Variants in KDM6B observed in about 807,000 individuals in gnomAD.
KDM6B encodes the protein lysine demethylase 6B, also known as lysine-specific demethylase 6B.
A neutral mutation model predicts 150.4 loss-of-function variants in KDM6B; 22 were observed. The ratio of observed to expected loss-of-function variants is 0.15; its 90% CI spans 0.10 to 0.21. The LOEUF is 0.21. Ranked by LOEUF, KDM6B falls within the 10% of genes least tolerant of loss-of-function variation. The pLI, the probability that KDM6B is intolerant of heterozygous loss-of-function variation, is 1.00. For synonymous variants in KDM6B, 1,148 were observed against 921.1 expected, an observed-to-expected ratio of 1.25 and a Z score of -4.46; for missense variants, 1,984 against 2,234.3, an observed-to-expected ratio of 0.89 and a Z score of 2.26.
Position 7,848,920 on chromosome 17 carries a change from T to G in KDM6B, c.2632T>G (p.Trp878Gly), listed in dbSNP as rs1473404933. 8 of 1,601,088 alleles carry G rather than the reference T, an allele frequency of 5.0e-6. No individual in the cohort carries two copies. Among genetic ancestry groups the G allele is most frequent in the Non-Finnish European group, 6.8e-6 (8 of 1,172,628 alleles). Residue 878 changes from tryptophan to glycine, a missense_variant, in exon 12 of 24, where the codon TGG becomes GGG. Transcript: ENST00000448097. The stretch of plus-strand genomic sequence containing the variant: ...TCAGTTCTCTACCTCAGGCGGGCCC[T>G]GGGCCCGGGAGCGCAGGGCGGGCGA... ...SSQFSTSGGP[W>G]ARERRAGEEP...
intron 1 of KDM6B, among the ~76,000 whole-genome samples, chr17:7,835,863 C>T (rs919214340): frequency 6.6e-6 from 1 of 152,098 alleles, no homozygotes; most frequent in African/African-American, 2.4e-5. Context: ...GCTCTTCAGC[C>T]CCTGGGGACC....
In KDM6B at chr17:7,845,967, C is replaced by T. The variant is rs1567788873; in HGVS notation, c.233C>T (p.Pro78Leu). Reference sequence around the variant, plus strand: ...CACCCCAGCAAACCATATTATGCTCCAGGGTGAGTGGATATTTGAAGGTTC... The same window carrying T: ...CACCCCAGCAAACCATATTATGCTCTAGGGTGAGTGGATATTTGAAGGTTC... ...SGHPSKPYYA[P>L]GAPTPRPLHG... Residue 78 changes from proline (P) to leucine (L), a missense_variant, in exon 6 of 24, where the codon CCA becomes CTA. Coordinates refer to ENST00000448097, the MANE Select transcript of KDM6B (RefSeq NM_001348716.2). The T allele has an allele frequency of 6.2e-7, 1 of 1,613,472 alleles. No homozygotes were observed. The highest frequency in any genetic ancestry group is 8.5e-7 in the Non-Finnish European group (1 of 1,179,406).
In KDM6B at chr17:7,848,730, A is replaced by G; in HGVS notation, c.2442A>G (p.Gln814=). Residue 814 remains glutamine, a synonymous_variant, in exon 12 of 24, where the codon CAA becomes CAG. Transcript: ENST00000448097. ...LKSLASVLEG[Q]KYCYRGTGAA... Reference sequence around the variant, plus strand: ...CCTTGGCCTCCGTGCTGGAGGGACAAAAGTACTGTTATCGGGGGACTGGAG... The same window carrying G: ...CCTTGGCCTCCGTGCTGGAGGGACAGAAGTACTGTTATCGGGGGACTGGAG... The G allele has an allele frequency of 6.2e-7, 1 of 1,612,610 alleles. No homozygotes were observed. The highest frequency in any genetic ancestry group is 8.5e-7 in the Non-Finnish European group (1 of 1,179,912).
Position 7,843,798 on chromosome 17 carries a change from G to A in KDM6B, c.-268-1103G>A, listed in dbSNP as rs754242573. ...CGGCTCCCTACCTGCGGGGACGCCG[G>A]GTAGGCAAGGAGGAGGCGCGGGGAC... On this transcript the variant is annotated intron_variant, in intron 2 of 23. Transcript: ENST00000448097. The surrounding 1 kb of genome is among the most constrained non-coding windows in gnomAD (Gnocchi z 4.5). Among the ~76,000 whole-genome samples the A allele has an allele frequency of 1.4e-4, 21 of 152,242 alleles. No homozygotes were observed. The highest frequency in any genetic ancestry group is 3.4e-3 in the Middle Eastern group (1 of 294).
intron 5 of KDM6B, 23 bp downstream of exon 5, chr17:7,845,714 C>T: frequency 3.7e-6 from 6 of 1,614,096 alleles, no homozygotes; most frequent in Non-Finnish European, 4.2e-6. Flanking sequence ...GGCCCTCTGT[C>T]TCCAGGCACA....
intron 19 of KDM6B, 23 bp from the exon 20 acceptor site, chr17:7,852,126 C>T (rs146769928): frequency 0.017 from 27,295 of 1,614,008 alleles, 274 homozygotes; most frequent in Non-Finnish European, 0.021. Context: ...CCAGTTCCCA[C>T]CTGACCTGTG....
Position 7,847,818 on chromosome 17 carries a change from A to AGCCCCCC in KDM6B, c.1530_1531insGCCCCCC (p.Pro511AlafsTer46). The AGCCCCCC allele has an allele frequency of 7.1e-7, 1 of 1,416,458 alleles. No individual in the cohort carries two copies. The highest frequency in any genetic ancestry group is 9.4e-7 in the Non-Finnish European group (1 of 1,061,008). The allele number at this position is 1,416,458 out of a possible 1,614,324, so 87.7% of individuals were successfully genotyped here. A position where few individuals can be genotyped will look rare whatever the true frequency, so the allele number is the denominator to read the frequency against. On this transcript the variant is annotated frameshift_variant, in exon 12 of 24. Transcript: ENST00000448097. LOFTEE classifies it high-confidence loss of function. ...AAGAGCTCTTCTTTGGGACTGAGGG[A>AGCCCCCC]CCCCCCCGCCCTGCCCCACCACCCC...
Position 7,846,238 on chromosome 17 carries a change from G to A in KDM6B, c.397G>A (p.Ala133Thr). 7 of 1,614,006 alleles carry A rather than the reference G, an allele frequency of 4.3e-6. No individual in the cohort carries two copies. The highest frequency in any genetic ancestry group is 5.1e-6 in the Non-Finnish European group (6 of 1,179,990). ...SEEATRCYHS[A>T]LRYGGSFAEL... The stretch of plus-strand genomic sequence containing the variant: ...GGAGGCCACACGCTGCTACCACAGC[G>A]CCCTTCGATACGGAGGAAGCTTCGC... Residue 133 changes from alanine to threonine, a missense_variant, in exon 7 of 24, where the codon GCC becomes ACC. Coordinates refer to ENST00000448097, the MANE Select transcript of KDM6B (RefSeq NM_001348716.2).
At chr17:7,851,584 G>C (rs536151695) in intron 17 of KDM6B, 35 bp downstream of exon 17, 1 of 1,612,462 alleles carries the variant, frequency 6.2e-7, no homozygotes, top group African/African-American at 1.3e-5. Context: ...GTTGGGGCAG[G>C]AGTGCTGCTA....
chr17:7,842,743 T>A (rs2078443408), intron 2 of KDM6B, among the ~76,000 whole-genome samples: 1 of 151,948 alleles, frequency 6.6e-6, no homozygotes, highest in Non-Finnish European at 1.5e-5. Flanking sequence ...TGCCTCTGAC[T>A]GTGTGTCTGT....
chr17:7,845,705 G>A lies in KDM6B; in HGVS notation c.137+14G>A. 1 of 1,614,064 alleles carries A rather than the reference G, an allele frequency of 6.2e-7. No homozygotes were observed. The highest frequency in any genetic ancestry group is 8.5e-7 in the Non-Finnish European group (1 of 1,180,016). On this transcript the variant is annotated intron_variant, in intron 5 of 23. Coordinates refer to ENST00000448097, the MANE Select transcript of KDM6B (RefSeq NM_001348716.2). ...GCCTGGAGGCAGGTGAGAAGTTGGG[G>A]CCCTCTGTCTCCAGGCACACCTCTT... is the stretch of plus-strand genomic sequence containing the variant.
rs990527943 is a variant in KDM6B at position 7,843,773 on chromosome 17, C to T, written c.-268-1128C>T. 6.6e-6 allele frequency among the ~76,000 whole-genome samples: 1 copy of T among 152,060 alleles called. No homozygotes were observed. The highest frequency in any genetic ancestry group is 2.1e-4 in the South Asian group (1 of 4,834). ...AATGGACCGATCCCGGGAGCCGAGT[C>T]GGCTCCCTACCTGCGGGGACGCCGG... On this transcript the variant is annotated intron_variant, in intron 2 of 23. Coordinates refer to ENST00000448097, the MANE Select transcript of KDM6B (RefSeq NM_001348716.2). The surrounding 1 kb of genome is among the most constrained non-coding windows in gnomAD (Gnocchi z 4.5).
Position 7,846,937 on chromosome 17 carries a change from C to A in KDM6B, c.830C>A (p.Thr277Asn). Residue 277 changes from threonine (T) to asparagine (N), a missense_variant, in exon 10 of 24, where the codon ACC becomes AAC. By Grantham distance (65) the Thr-to-Asn change is moderately conservative (BLOSUM62 0). Around this residue, in one of 13 missense-constraint regions of KDM6B, gnomAD observed 1,379 missense variants for 1,275.6 expected, o/e 1.08. Transcript: ENST00000448097. The stretch of plus-strand genomic sequence containing the variant: ...GCTACCAGCCCCCCATTTCAGCTAA[C>A]CAAGCCAGGGCTGTGGAGTACCCTG... Reference protein sequence around the residue: ...GLATSPPFQLTKPGLWSTLHG... With the variant: ...GLATSPPFQLNKPGLWSTLHG... The A allele has an allele frequency of 7.1e-7, 1 of 1,399,470 alleles. No individual in the cohort carries two copies. Among genetic ancestry groups the A allele is most frequent in the South Asian group, 1.1e-5 (1 of 88,790 alleles). 86.7% of individuals were successfully genotyped at this position (1,399,470 alleles called of 1,614,324 possible).
Position 7,848,707 on chromosome 17 carries a change from T to G in KDM6B, c.2419T>G (p.Leu807Val). ...CAGCCCGGCCAGCCTGCTCAAATCC[T>G]TGGCCTCCGTGCTGGAGGGACAAAA... is the stretch of plus-strand genomic sequence containing the variant. ...PPSPASLLKS[L>V]ASVLEGQKYC... The change falls in exon 12 of 24, where the codon TTG (leucine) becomes GTG (valine). Residue 807 changes from leucine to valine, a missense_variant. Physicochemically the swap from Leu to Val is conservative, Grantham distance 32. Transcript: ENST00000448097. 2 of 1,612,692 alleles carry G rather than the reference T, an allele frequency of 1.2e-6. No homozygotes were observed. The highest frequency in any genetic ancestry group is 1.7e-6 in the Non-Finnish European group (2 of 1,179,892).
chr17:7,845,966 C>T lies in KDM6B; in HGVS notation c.232C>T (p.Pro78Ser), dbSNP rs901923379. ...SGHPSKPYYA[P>S]GAPTPRPLHG... Reference sequence around the variant, plus strand: ...GCACCCCAGCAAACCATATTATGCTCCAGGGTGAGTGGATATTTGAAGGTT... The same window carrying T: ...GCACCCCAGCAAACCATATTATGCTTCAGGGTGAGTGGATATTTGAAGGTT... Residue 78 changes from proline to serine, a missense_variant, in exon 6 of 24, where the codon CCA becomes TCA. Around this residue, in one of 13 missense-constraint regions of KDM6B, gnomAD observed 337 missense variants for 323.9 expected, o/e 1.04. Transcript: ENST00000448097. 21 of 1,613,390 alleles carry T rather than the reference C, an allele frequency of 1.3e-5. No homozygotes were observed. Among genetic ancestry groups the T allele is most frequent in the Non-Finnish European group, 1.7e-5 (20 of 1,179,362 alleles).
At chr17:7,839,650 T>C (rs995945834) in intron 1 of KDM6B, among the ~76,000 whole-genome samples, 1 of 152,062 alleles carries the variant, frequency 6.6e-6, no homozygotes, top group African/African-American at 2.4e-5. Flanking sequence ...AGAAGAGGGA[T>C]CACGGGTTTG....
Position 7,853,081 on chromosome 17 carries a change from G to A in KDM6B, c.4692G>A (p.Gln1564=), listed in dbSNP as rs1567804439. 3 of 1,614,158 alleles carry A rather than the reference G, an allele frequency of 1.9e-6. No individual in the cohort carries two copies. Among genetic ancestry groups the A allele is most frequent in the Non-Finnish European group, 2.5e-6 (3 of 1,180,024 alleles). The stretch of plus-strand genomic sequence containing the variant: ...GGGCAGGGAAGAAAATCGCTTACCA[G>A]GGCCGTGTCAAGGACGAGCCAGCCT... ...LVRAGKKIAY[Q]GRVKDEPAYY... is the part of the protein sequence containing the mutation. Residue 1564 remains glutamine, a synonymous_variant, in exon 22 of 24, where the codon CAG becomes CAA. Transcript: ENST00000448097.
At chr17:7,835,943 C>A (rs1217534101) in intron 1 of KDM6B, among the ~76,000 whole-genome samples, 1 of 152,214 alleles carries the variant, frequency 6.6e-6, no homozygotes, top group African/African-American at 2.4e-5. Context: ...TCGGGAGGGC[C>A]GACTACCTGT....
intron 7 of KDM6B, 29 bp from the exon 8 acceptor site, chr17:7,846,371 G>GGGGGGGGGCCCGGGGCCCCCC: frequency 6.7e-7 from 1 of 1,488,918 alleles, no homozygotes; most frequent in Non-Finnish European, 9.2e-7. Flanking sequence ...CCTGACATCT[G>GGGGGGGGGCCCGGGGCCCCCC]CCCCTGCCCC....
Sources: allele counts gnomAD v4.1 joint callset (sites outside exome capture counted in the v4.1 genomes callset), GRCh38; gene constraint gnomAD v4.1.1; regional missense constraint gnomAD v4.1.1; non-coding constraint Gnocchi (gnomAD v3.1); transcripts MANE v1.5; gene names NCBI Gene and HGNC (gene_info 2026-07-23, HGNC 2026-07-21).